TPST1: variants seen among roughly 807,000 people sequenced by gnomAD.
TPST1 encodes the protein protein-tyrosine sulfotransferase 1.
In TPST1, 20 loss-of-function variants were observed where a neutral mutation model predicts 34.8. That is an observed-to-expected ratio of 0.57 (90% confidence interval 0.40 to 0.84). The LOEUF (loss-of-function observed/expected upper bound fraction) is 0.84. Ranked by LOEUF, TPST1 falls within the 40% of genes least tolerant of loss-of-function variation. The pLI is 0.00. For missense variants in TPST1, 353 were observed against 455.5 expected (o/e 0.78, Z 2.05); for synonymous variants, 152 against 159.4 (o/e 0.95, Z 0.35).
chr7:66,293,511 A>G (rs1464020409), intron 3 of TPST1, among the ~76,000 whole-genome samples: 1 of 152,160 alleles, frequency 6.6e-6, no homozygotes, highest in Non-Finnish European at 1.5e-5. Flanking sequence ...TCAAAATAAG[A>G]AAAAAGAATG....
At chr7:66,309,565 G>C (rs934686076) in intron 3 of TPST1, among the ~76,000 whole-genome samples, 1 of 152,098 alleles carries the variant, frequency 6.6e-6, no homozygotes, top group Non-Finnish European at 1.5e-5. Context: ...GGCAAATAAA[G>C]GTCTTTCCCT....
At chr7:66,349,787 A>G (rs1282727704) in intron 3 of TPST1, among the ~76,000 whole-genome samples, 3 of 152,172 alleles carry the variant, frequency 2.0e-5, no homozygotes, top group Admixed American at 1.3e-4. Flanking sequence ...AAGGAAAGAC[A>G]CTTGAGAATC....
chr7:66,295,774 G>A (rs1380715666), intron 3 of TPST1, among the ~76,000 whole-genome samples: 1 of 152,094 alleles, frequency 6.6e-6, no homozygotes, highest in Admixed American at 6.5e-5. Context: ...TGGGATTATA[G>A]GCACATGCTA....
intron 3 of TPST1, among the ~76,000 whole-genome samples, chr7:66,329,133 G>A (rs943198789): frequency 5.3e-5 from 8 of 151,310 alleles, no homozygotes; most frequent in African/African-American, 1.9e-4. Flanking sequence ...GGCTGTTCTC[G>A]AGCTCCTGGA....
intron 2 of TPST1, among the ~76,000 whole-genome samples, chr7:66,260,846 A>G (rs1790472380): frequency 6.6e-6 from 1 of 152,174 alleles, no homozygotes; most frequent in African/African-American, 2.4e-5. Context: ...TGAGTACTCT[A>G]CTAATATCCA....
intron 3 of TPST1, among the ~76,000 whole-genome samples, chr7:66,310,879 G>A (rs990617604): frequency 6.6e-6 from 1 of 151,968 alleles, no homozygotes; most frequent in Non-Finnish European, 1.5e-5. Flanking sequence ...GCTCTGGAAT[G>A]CAGTGGCACG....
At position 66,240,920 on chromosome 7, in the gene TPST1, A is replaced by G. The variant is rs1442414967; in HGVS notation, c.495A>G (p.Lys165=). 1 of 1,614,034 alleles carries G rather than the reference A, an allele frequency of 6.2e-7. No homozygotes were observed. The highest frequency in any genetic ancestry group is 1.3e-5 in the African/African-American group (1 of 74,918). The change falls in exon 2 of 6, where the codon AAA becomes AAG. Residue 165 remains lysine, a synonymous_variant. Coordinates refer to ENST00000304842, the MANE Select transcript of TPST1 (RefSeq NM_003596.4). ...GTAATAAAGATCCTTTTGCCCTGAAATCTTTAACTTACCTTTCTAGGTTAT... is the reference window on the plus strand; with the variant it reads ...GTAATAAAGATCCTTTTGCCCTGAAGTCTTTAACTTACCTTTCTAGGTTAT... The part of the protein sequence containing the change: ...YLCNKDPFAL[K]SLTYLSRLFP...
intron 2 of TPST1, among the ~76,000 whole-genome samples, chr7:66,244,992 C>T (rs1171340753): frequency 1.3e-5 from 2 of 151,774 alleles, no homozygotes; most frequent in African/African-American, 4.8e-5. Context: ...GTAAAGCAGA[C>T]AAAAAATCCT....
At chr7:66,212,225 A>G (rs1409837404) in intron 1 of TPST1, among the ~76,000 whole-genome samples, 1 of 152,202 alleles carries the variant, frequency 6.6e-6, no homozygotes, top group Non-Finnish European at 1.5e-5. Context: ...ATTTTTAACT[A>G]GAACAAAAAC....
chr7:66,317,454 C>T (rs1489987775), intron 3 of TPST1, among the ~76,000 whole-genome samples: 1 of 151,970 alleles, frequency 6.6e-6, no homozygotes, highest in Non-Finnish European at 1.5e-5. Flanking sequence ...ACTAGGCATC[C>T]TATGTTTTGT....
At position 66,231,898 on chromosome 7, in the gene TPST1, C is replaced by A. The variant is rs372771977; in HGVS notation, c.-101-8427C>A. ...GTGAGGACTGCCAGCACGCTGTCAT[C>A]TCTCACTATCACTTAACATCTTTAA... On this transcript the variant is annotated intron_variant, in intron 1 of 5. Transcript: ENST00000304842. 6.0e-4 allele frequency among the ~76,000 whole-genome samples: 91 copies of A among 152,386 alleles called. No homozygotes were observed. The South Asian group carries it at 0.018, about 31-fold the overall frequency.
chr7:66,331,406 G>A (rs1475633064), intron 3 of TPST1, among the ~76,000 whole-genome samples: 1 of 152,088 alleles, frequency 6.6e-6, no homozygotes, highest in African/African-American at 2.4e-5. Context: ...CATTTCTGAC[G>A]ATTTTTCCTA....
At chr7:66,202,965 A>C (rs1368956817), upstream of TPST1, among the ~76,000 whole-genome samples, 1 of 152,122 alleles carries the variant, frequency 6.6e-6, no homozygotes, top group Non-Finnish European at 1.5e-5. Flanking sequence ...AATCCCAGCT[A>C]CTGGGGAGGC....
At chr7:66,215,556 A>G (rs1160673207) in intron 1 of TPST1, among the ~76,000 whole-genome samples, 1 of 150,246 alleles carries the variant, frequency 6.7e-6, no homozygotes, top group African/African-American at 2.5e-5. Flanking sequence ...TTGTATTTTT[A>G]GTAGAGATGG....
At chr7:66,294,327 T>G (rs778623758) in intron 3 of TPST1, among the ~76,000 whole-genome samples, 8 of 152,208 alleles carry the variant, frequency 5.3e-5, no homozygotes, top group Non-Finnish European at 8.8e-5. Context: ...TTGTCTGATA[T>G]TCTCTTGTTT....
At chr7:66,325,000 C>T (rs373162130) in intron 3 of TPST1, among the ~76,000 whole-genome samples, 2 of 151,958 alleles carry the variant, frequency 1.3e-5, no homozygotes, top group Non-Finnish European at 1.5e-5. Context: ...TGTATTAGTC[C>T]GTTTTCATAC....
In TPST1 at chr7:66,249,608, C is replaced by T. The variant is rs560320234; in HGVS notation, c.845+8338C>T. Among the ~76,000 whole-genome samples, 85 of 152,278 alleles carry T rather than the reference C, an allele frequency of 5.6e-4. 3 individuals carry two copies. The South Asian group carries it at 0.015, about 27-fold the overall frequency. On this transcript the variant is annotated intron_variant, in intron 2 of 5. Coordinates refer to ENST00000304842, the MANE Select transcript of TPST1 (RefSeq NM_003596.4). ...GAACTTGCGCTTCTAACAGGTTTCCCGGTGATGCTAATGTTCCTGGCCTGA... is the reference window on the plus strand; with the variant it reads ...GAACTTGCGCTTCTAACAGGTTTCCTGGTGATGCTAATGTTCCTGGCCTGA...
chr7:66,336,708 C>A (rs1329425279), intron 3 of TPST1, among the ~76,000 whole-genome samples: 1 of 152,072 alleles, frequency 6.6e-6, no homozygotes, highest in Non-Finnish European at 1.5e-5. Context: ...CTGAAAAAGT[C>A]CCAAATCTAG....
At chr7:66,352,412 A>G in intron 3 of TPST1, 93 bp from the exon 4 acceptor site, 4 of 1,546,790 alleles carry the variant, frequency 2.6e-6, no homozygotes, top group Non-Finnish European at 3.5e-6. Context: ...GCAGTGGAGC[A>G]GTAAACCCGG....
Sources: gnomAD v4.1 joint callset for allele counts (sites outside exome capture counted in the v4.1 genomes callset) on GRCh38, gnomAD v4.1.1 for gene constraint, MANE v1.5 for transcripts, NCBI Gene and HGNC (gene_info 2026-07-23, HGNC 2026-07-21) for gene names.